Variants in KCNT2 observed in about 807,000 individuals in gnomAD.
KCNT2 encodes potassium channel subfamily T member 2.
Under a neutral mutation model 153.8 loss-of-function variants are expected in KCNT2, and 67 were observed. The observed-to-expected ratio is 0.44, with a 90% CI of 0.36 to 0.53. The LOEUF (loss-of-function observed/expected upper bound fraction) is 0.53. Among genes scored for constraint, KCNT2 ranks in the 20% least tolerant of loss-of-function variants. The probability of loss-of-function intolerance (pLI) is 0.00; values close to 1 mark genes in which losing one functional copy is unlikely to be tolerated. For missense variants in KCNT2, 975 were observed against 1,354.8 expected (o/e 0.72, Z 4.40); for synonymous variants, 500 against 458.8 (o/e 1.09, Z -1.15).
rs549293875 is a variant in KCNT2 at position 196,459,273 on chromosome 1, GTGAC to G, written c.638+6016_638+6019del. On this transcript the variant is annotated intron_variant, in intron 8 of 27. Transcript: ENST00000294725. ...TTTGCCATTTAATAATTTATAAAAG[GTGAC>G]CATGCCCTATCCTGTGCCCTAATGT... 5.3e-4 allele frequency among the ~76,000 whole-genome samples: 80 copies of G among 151,752 alleles called. 1 individual carries two copies. The East Asian group carries it at 0.015, about 28-fold the overall frequency.
chr1:196,253,492 CTG>C (rs1656175162), intron 26 of KCNT2, among the ~76,000 whole-genome samples: 1 of 151,482 alleles, frequency 6.6e-6, no homozygotes, highest in African/African-American at 2.4e-5. Context: ...ATTTTAAGAT[CTG>C]TGTTTTCCGA....
intron 15 of KCNT2, among the ~76,000 whole-genome samples, chr1:196,341,329 C>T (rs979577288): frequency 6.6e-6 from 1 of 151,776 alleles, no homozygotes; most frequent in Non-Finnish European, 1.5e-5. Flanking sequence ...ATTGAATATT[C>T]TACTGAAAGT....
intron 1 of KCNT2, among the ~76,000 whole-genome samples, chr1:196,567,234 C>T (rs115638667): frequency 0.015 from 2,217 of 152,134 alleles, 56 homozygotes; most frequent in African/African-American, 0.051. Context: ...CTACACTAGA[C>T]TATGTAGCAT....
chr1:196,413,754 T>G (rs989376354), intron 12 of KCNT2, among the ~76,000 whole-genome samples: 2 of 151,752 alleles, frequency 1.3e-5, no homozygotes, highest in African/African-American at 4.8e-5. Context: ...GATTACCTAC[T>G]GTTTTTCTAA....
chr1:196,533,712 C>T (rs904239447), intron 1 of KCNT2, among the ~76,000 whole-genome samples: 2 of 151,962 alleles, frequency 1.3e-5, no homozygotes, highest in African/African-American at 4.8e-5. Context: ...CTTATGTCTT[C>T]TATTGTGGTT....
At chr1:196,459,450 A>C (rs1270983804) in intron 8 of KCNT2, among the ~76,000 whole-genome samples, 1 of 151,834 alleles carries the variant, frequency 6.6e-6, no homozygotes, top group African/African-American at 2.4e-5. Context: ...AAACATCCTA[A>C]ACAATAATGG....
At chr1:196,293,920 A>G (rs901318078) in intron 22 of KCNT2, among the ~76,000 whole-genome samples, 4 of 152,058 alleles carry the variant, frequency 2.6e-5, no homozygotes, top group African/African-American at 4.8e-5. Flanking sequence ...CAGACATCCT[A>G]TAGATTAGGA....
rs867866031 is a variant in KCNT2 at position 196,445,595 on chromosome 1, C to T, written c.639-15838G>A. 1.3e-3 allele frequency among the ~76,000 whole-genome samples: 203 copies of T among 151,446 alleles called. 2 individuals carry two copies. Among genetic ancestry groups the T allele is most frequent in the African/African-American group, 4.8e-3 (197 of 41,448 alleles). ...TTCTTAAAGTGTAATATTAAAATAT[C>T]ATGTTCATCAACAGAGAAACTTTGT... On this transcript the variant is annotated intron_variant, in intron 8 of 27. Coordinates refer to ENST00000294725, the MANE Select transcript of KCNT2 (RefSeq NM_198503.5).
chr1:196,295,971 C>T lies in KCNT2; in HGVS notation c.2595+9263G>A, dbSNP rs973568516. On this transcript the variant is annotated intron_variant, in intron 22 of 27. Coordinates refer to ENST00000294725, the MANE Select transcript of KCNT2 (RefSeq NM_198503.5). Reference sequence around the variant, plus strand: ...AGGAGTGCATATGAATGACTCATTGCTGAGTCTAGACTACTTTGTTGTTTT... The same window carrying T: ...AGGAGTGCATATGAATGACTCATTGTTGAGTCTAGACTACTTTGTTGTTTT... Among the ~76,000 whole-genome samples, 3 of 151,840 alleles carry T rather than the reference C, an allele frequency of 2.0e-5. No individual in the cohort carries two copies. In the South Asian group the frequency reaches 6.2e-4, roughly 31 times the overall value.
intron 13 of KCNT2, among the ~76,000 whole-genome samples, chr1:196,389,990 G>A (rs528284960): frequency 2.9e-4 from 44 of 151,466 alleles, no homozygotes; most frequent in African/African-American, 1.0e-3. Flanking sequence ...TTTTAGCCTG[G>A]CTTTTAGAGT....
intron 8 of KCNT2, among the ~76,000 whole-genome samples, chr1:196,441,072 C>A (rs1243881611): frequency 6.6e-6 from 1 of 151,686 alleles, no homozygotes; most frequent in African/African-American, 2.4e-5. Context: ...TGTGGCTCAC[C>A]AAATTGAGCA....
chr1:196,268,010 C>A (rs926571247), intron 25 of KCNT2, among the ~76,000 whole-genome samples: 4 of 152,118 alleles, frequency 2.6e-5, no homozygotes, highest in African/African-American at 9.7e-5. Context: ...TGTGATGAAG[C>A]TCACTGGAGA....
chr1:196,282,198 T>C, intron 24 of KCNT2, 75 bp downstream of exon 24: 2 of 687,594 alleles, frequency 2.9e-6, no homozygotes, highest in East Asian at 2.7e-5. Flanking sequence ...ATAGAAGAAT[T>C]AGCAAAGTAC....
At chr1:196,556,842 A>T (rs1658734548) in intron 1 of KCNT2, among the ~76,000 whole-genome samples, 2 of 151,460 alleles carry the variant, frequency 1.3e-5, no homozygotes, top group Non-Finnish European at 3.0e-5. Flanking sequence ...CATGGATGGA[A>T]CTGGAGGTCA....
At chr1:196,433,771 T>G (rs547955078) in intron 8 of KCNT2, among the ~76,000 whole-genome samples, 1 of 152,054 alleles carries the variant, frequency 6.6e-6, no homozygotes, top group Non-Finnish European at 1.5e-5. Context: ...CTTATTTGTC[T>G]AAGTTATGTA....
chr1:196,468,423 C>T (rs937283741), intron 6 of KCNT2, among the ~76,000 whole-genome samples: 15 of 151,940 alleles, frequency 9.9e-5, no homozygotes, highest in Non-Finnish European at 1.9e-4. Flanking sequence ...TATTAAATTG[C>T]GATTAAAATA....
chr1:196,596,246 C>G (rs1157861002), intron 1 of KCNT2, among the ~76,000 whole-genome samples: 1 of 151,898 alleles, frequency 6.6e-6, no homozygotes, highest in East Asian at 1.9e-4. Flanking sequence ...AGTAGGTACC[C>G]AGTATGGGAT....
At chr1:196,465,900 A>C (rs1677571896) in intron 7 of KCNT2, among the ~76,000 whole-genome samples, 1 of 152,030 alleles carries the variant, frequency 6.6e-6, no homozygotes, top group African/African-American at 2.4e-5. Flanking sequence ...AATTTCTTAT[A>C]AAAGATATTA....
chr1:196,479,844 C>T (rs1378550376), intron 4 of KCNT2, among the ~76,000 whole-genome samples: 1 of 152,194 alleles, frequency 6.6e-6, no homozygotes, highest in Non-Finnish European at 1.5e-5. Context: ...AAATAACACA[C>T]ACTTCAAGTT....
Sources: allele counts gnomAD v4.1 joint callset (sites outside exome capture counted in the v4.1 genomes callset), GRCh38; gene constraint gnomAD v4.1.1; transcripts MANE v1.5; gene names NCBI Gene and HGNC (gene_info 2026-07-23, HGNC 2026-07-21).